SPATA16: variants seen among roughly 807,000 people sequenced by gnomAD.
The protein encoded by SPATA16 is spermatogenesis-associated protein 16.
SPATA16 carries 36 observed loss-of-function variants against 63.3 expected under a neutral mutation model. The ratio of observed to expected loss-of-function variants is 0.57; its 90% CI spans 0.44 to 0.75. The LOEUF is 0.75. Among genes scored for constraint, SPATA16 ranks in the 30% least tolerant of loss-of-function variants. The pLI is 0.00. For missense variants in SPATA16, 646 were observed against 679.3 expected (o/e 0.95, Z 0.54); for synonymous variants, 203 against 216.7 (o/e 0.94, Z 0.56).
chr3:173,014,912 G>C (rs1047269976), intron 4 of SPATA16, among the ~76,000 whole-genome samples: 4 of 152,184 alleles, frequency 2.6e-5, no homozygotes, highest in Admixed American at 6.5e-5. Context: ...GCTCACTGTA[G>C]TTCGCAGAAC....
At chr3:172,986,476 G>A (rs556583122) in intron 4 of SPATA16, among the ~76,000 whole-genome samples, 1 of 152,274 alleles carries the variant, frequency 6.6e-6, no homozygotes, top group African/African-American at 2.4e-5. Flanking sequence ...TACTAATGCA[G>A]CTGAGAGGGT....
chr3:172,970,547 G>A (rs1339032087), intron 5 of SPATA16, among the ~76,000 whole-genome samples: 1 of 152,156 alleles, frequency 6.6e-6, no homozygotes, highest in African/African-American at 2.4e-5. Flanking sequence ...AATTGATGGG[G>A]AAAATATTTT....
intron 2 of SPATA16, among the ~76,000 whole-genome samples, chr3:173,088,016 T>TTCTTTCTTTCTC: frequency 1.4e-5 from 1 of 69,980 alleles, no homozygotes; most frequent in African/African-American, 5.2e-5. Flanking sequence ...CCGTCTTTCT[T>TTCTTTCTTTCTC]TCTTTCTTTC....
chr3:172,987,897 G>A (rs1734491639), intron 4 of SPATA16, among the ~76,000 whole-genome samples: 1 of 152,132 alleles, frequency 6.6e-6, no homozygotes, highest in Admixed American at 6.5e-5. Context: ...AAGTCAAGGG[G>A]TGTGCTTCGC....
intron 6 of SPATA16, among the ~76,000 whole-genome samples, chr3:172,937,570 G>A (rs899929256): frequency 1.3e-5 from 2 of 151,954 alleles, no homozygotes; most frequent in African/African-American, 4.8e-5. Context: ...GTCTCTCAAG[G>A]GAGGAAATTA....
At chr3:172,945,566 T>G (rs549834347) in intron 6 of SPATA16, among the ~76,000 whole-genome samples, 131 of 152,264 alleles carry the variant, frequency 8.6e-4, no homozygotes, top group African/African-American at 3.0e-3. Flanking sequence ...AGAGAGAGAC[T>G]GTGTGCGTGG....
chr3:172,941,544 C>T (rs1272492024), intron 6 of SPATA16, among the ~76,000 whole-genome samples: 1 of 152,092 alleles, frequency 6.6e-6, no homozygotes, highest in Non-Finnish European at 1.5e-5. Flanking sequence ...ATCTTCAAGG[C>T]ACCAATATTT....
chr3:172,990,777 A>G (rs1412040811), intron 4 of SPATA16, among the ~76,000 whole-genome samples: 2 of 152,148 alleles, frequency 1.3e-5, no homozygotes, highest in South Asian at 2.1e-4. Context: ...CACTTCTAAG[A>G]GAAAATGCCT....
At chr3:173,089,316 C>G (rs1209805011) in intron 2 of SPATA16, among the ~76,000 whole-genome samples, 1 of 152,164 alleles carries the variant, frequency 6.6e-6, no homozygotes, top group Non-Finnish European at 1.5e-5. Flanking sequence ...CCTTCTCCTC[C>G]AGAGGCAGGA....
At chr3:172,979,195 C>G (rs1361632464) in intron 4 of SPATA16, among the ~76,000 whole-genome samples, 3 of 152,064 alleles carry the variant, frequency 2.0e-5, no homozygotes, top group Non-Finnish European at 4.4e-5. Context: ...CGAGATCGCG[C>G]CACTGCACTC....
In SPATA16 at chr3:172,927,029, A is replaced by G. The variant is rs181636908; in HGVS notation, c.1082-1537T>C. Among the ~76,000 whole-genome samples, 14 of 152,350 alleles carry G rather than the reference A, an allele frequency of 9.2e-5. No homozygotes were observed. The East Asian group carries it at 2.7e-3, about 29-fold the overall frequency. On this transcript the variant is annotated intron_variant, in intron 6 of 10. Transcript: ENST00000351008. Reference sequence around the variant, plus strand: ...AATATAGCCTTCACTATTTGTCTGTAATACTTCTTTTAAAAATAAAATAGT... The same window carrying G: ...AATATAGCCTTCACTATTTGTCTGTGATACTTCTTTTAAAAATAAAATAGT...
intron 1 of SPATA16, among the ~76,000 whole-genome samples, chr3:173,130,137 G>A (rs962628952): frequency 1.3e-5 from 2 of 151,836 alleles, no homozygotes; most frequent in African/African-American, 2.4e-5. Context: ...TCGAGGCGGC[G>A]GATCACGAGG....
intron 2 of SPATA16, among the ~76,000 whole-genome samples, chr3:173,072,384 G>C (rs1736695607): frequency 1.3e-5 from 2 of 152,032 alleles, no homozygotes; most frequent in African/African-American, 4.8e-5. Flanking sequence ...GAATACAAAG[G>C]TGGTGATATG....
intron 2 of SPATA16, among the ~76,000 whole-genome samples, chr3:173,105,518 C>A (rs1417899928): frequency 6.6e-6 from 1 of 152,172 alleles, no homozygotes; most frequent in African/African-American, 2.4e-5. Context: ...ATAGTCCTTT[C>A]TGAATTATTC....
At chr3:173,028,440 C>T (rs1735519778) in intron 3 of SPATA16, among the ~76,000 whole-genome samples, 1 of 151,686 alleles carries the variant, frequency 6.6e-6, no homozygotes, top group African/African-American at 2.4e-5. Context: ...GTCTTTAGCC[C>T]TTTTTGTGGA....
chr3:173,044,275 A>T (rs1016734255), intron 3 of SPATA16, among the ~76,000 whole-genome samples: 7 of 152,104 alleles, frequency 4.6e-5, no homozygotes, highest in Non-Finnish European at 7.4e-5. Context: ...ATTAATTTTT[A>T]AAAAATCTTT....
In SPATA16 at chr3:172,926,720, C is replaced by T. The variant is rs534146764; in HGVS notation, c.1082-1228G>A. Among the ~76,000 whole-genome samples, 382 of 152,264 alleles carry T rather than the reference C, an allele frequency of 2.5e-3. 1 individual carries two copies. The highest frequency in any genetic ancestry group is 4.3e-3 in the Non-Finnish European group (295 of 68,024). The stretch of plus-strand genomic sequence containing the variant: ...GAGGTTACAAACATACCCAAGATCA[C>T]GAATTGAGCAAACAGAGGGACCAGA... On this transcript the variant is annotated intron_variant, in intron 6 of 10. Transcript: ENST00000351008.
intron 3 of SPATA16, among the ~76,000 whole-genome samples, chr3:173,032,920 C>G (rs1735637984): frequency 6.6e-6 from 1 of 152,086 alleles, no homozygotes; most frequent in Non-Finnish European, 1.5e-5. Context: ...AACAACATTT[C>G]CTCAAGAGCC....
intron 4 of SPATA16, among the ~76,000 whole-genome samples, chr3:172,978,839 A>G (rs974598546): frequency 6.6e-6 from 1 of 152,232 alleles, no homozygotes; most frequent in Non-Finnish European, 1.5e-5. Flanking sequence ...CTGTCTTCCA[A>G]TAAGATTTTA....
Sources: allele counts gnomAD v4.1 joint callset (sites outside exome capture counted in the v4.1 genomes callset), GRCh38; gene constraint gnomAD v4.1.1; transcripts MANE v1.5; gene names NCBI Gene and HGNC (gene_info 2026-07-23, HGNC 2026-07-21).